Variants in POTEG observed in about 807,000 individuals in gnomAD.
POTEG encodes the protein POTE ankyrin domain family member G, also known as ANKRD26-like family C member 2.
In POTEG, 2 loss-of-function variants were observed where a neutral mutation model predicts 49.6. The ratio of observed to expected loss-of-function variants is 0.04; its 90% CI spans 0.02 to 0.13. The LOEUF is 0.13. Among genes scored for constraint, POTEG ranks in the 10% least tolerant of loss-of-function variants. POTEG has a pLI of 1.00. For missense variants in POTEG, 26 were observed against 545.2 expected (o/e 0.05, Z 9.48); for synonymous variants, 7 against 186.6 (o/e 0.04, Z 7.84).
At position 19,434,051 on chromosome 14, in the gene POTEG, A is replaced by C; in HGVS notation, c.239T>G (p.Val80Gly). ...GTCGTCGTGGTCTCCAGAAGTGCCC[A>C]CGTTGCTCTTGCTGCTCCCCCTGCA... is the stretch of plus-strand genomic sequence containing the variant. ...PWCRGSSKSN[V>G]GTSGDHDDSA... The change falls in exon 1 of 11, where the codon GTG becomes GGG. Residue 80 changes from valine (V) to glycine (G), a missense_variant. Transcript: ENST00000547848. The C allele has an allele frequency of 7.4e-7, 1 of 1,352,092 alleles. No homozygotes were observed. The highest frequency in any genetic ancestry group is 9.9e-7 in the Non-Finnish European group (1 of 1,005,052). 83.8% of individuals were successfully genotyped at this position (1,352,092 alleles called of 1,614,324 possible).
At chr14:19,432,432 G>GTATATATA (rs60251207) in intron 1 of POTEG, among the ~76,000 whole-genome samples, 8 of 63,928 alleles carry the variant, frequency 1.3e-4, no homozygotes, top group Non-Finnish European at 1.2e-4. Context: ...ATGTATATAC[G>GTATATATA]TATATATATA....
At chr14:19,432,741 G>C (rs1884212911) in intron 1 of POTEG, among the ~76,000 whole-genome samples, 1 of 82,584 alleles carries the variant, frequency 1.2e-5, no homozygotes, top group Non-Finnish European at 2.3e-5. Context: ...CTTTTCAGCT[G>C]TTAGTAAACA....
intron 7 of POTEG, among the ~76,000 whole-genome samples, 185 bp downstream of exon 7, chr14:19,416,103 C>CA (rs1883555603): frequency 6.8e-6 from 1 of 146,560 alleles, no homozygotes; most frequent in East Asian, 2.0e-4. Context: ...CTCAGCCTCT[C>CA]AAAGTGCTGA....
At chr14:19,419,027 G>T (rs1594275634) in intron 6 of POTEG, among the ~76,000 whole-genome samples, 1 of 111,264 alleles carries the variant, frequency 9.0e-6, no homozygotes, top group African/African-American at 4.0e-5. Flanking sequence ...CAAAAACAAA[G>T]GCCAACATAT....
In POTEG at chr14:19,428,620, G is replaced by GTGTA; in HGVS notation, c.728_731dup (p.Tyr245ThrfsTer7). The GTGTA allele has an allele frequency of 8.3e-7, 1 of 1,208,858 alleles. No homozygotes were observed. The highest frequency in any genetic ancestry group is 1.1e-6 in the Non-Finnish European group (1 of 896,868). The allele number at this position is 1,208,858 out of a possible 1,614,324, so 74.9% of individuals were successfully genotyped here. A position where few individuals can be genotyped will look rare whatever the true frequency, so the allele number is the denominator to read the frequency against. ...ATTTATCTTCATTGTAGATAGCATA[G>GTGTA]TGTAGAGCGGTATTTCCATACTCAT... On this transcript the variant is annotated frameshift_variant, in exon 3 of 11. Transcript: ENST00000547848. LOFTEE classifies it high-confidence loss of function.
At chr14:19,415,821 C>T (rs1480073748) in intron 7 of POTEG, among the ~76,000 whole-genome samples, 1 of 142,694 alleles carries the variant, frequency 7.0e-6, no homozygotes, top group Non-Finnish European at 1.5e-5. Context: ...TTTTAAGAAT[C>T]TATTAAAATT....
chr14:19,429,625 CTTA>C (rs1220741516), intron 1 of POTEG, among the ~76,000 whole-genome samples: 1 of 127,270 alleles, frequency 7.9e-6, no homozygotes, highest in African/African-American at 2.7e-5. Context: ...AAATAATTCT[CTTA>C]TTGAGACATA....
At chr14:19,422,030 G>GGCTCAAT (rs1883797048) in intron 5 of POTEG, among the ~76,000 whole-genome samples, 2 of 71,654 alleles carry the variant, frequency 2.8e-5, no homozygotes, top group African/African-American at 9.3e-5. Flanking sequence ...GCTTCTCTTA[G>GGCTCAAT]GCTCAATGTC....
chr14:19,421,456 GTAA>G (rs1883762025), intron 6 of POTEG, 165 bp downstream of exon 6: 2 of 850,870 alleles, frequency 2.4e-6, no homozygotes, highest in African/African-American at 1.7e-5. Flanking sequence ...ATATTACAAT[GTAA>G]TAATAATATA....
At chr14:19,432,460 A>ATATG (rs1884199237) in intron 1 of POTEG, among the ~76,000 whole-genome samples, 1 of 87,004 alleles carries the variant, frequency 1.1e-5, no homozygotes, top group Non-Finnish European at 2.2e-5. Context: ...ATATATATAC[A>ATATG]TATATACATA....
intron 4 of POTEG, 80 bp downstream of exon 4, chr14:19,425,526 T>C: frequency 1.8e-6 from 1 of 551,276 alleles, no homozygotes; most frequent in Non-Finnish European, 2.7e-6. Context: ...CCAATAAGTA[T>C]ACATTAATCT....
chr14:19,427,888 AT>A (rs1884018592), intron 3 of POTEG, among the ~76,000 whole-genome samples: 4 of 146,442 alleles, frequency 2.7e-5, no homozygotes, highest in Non-Finnish European at 6.0e-5. Context: ...GAAAACTGTC[AT>A]TCTCTAAAAT....
At chr14:19,415,160 ACTGTAATATGATAGT>A (rs1295572616) in intron 7 of POTEG, among the ~76,000 whole-genome samples, 6 of 144,632 alleles carry the variant, frequency 4.1e-5, no homozygotes, top group African/African-American at 1.5e-4. Flanking sequence ...GAAATTATAT[ACTGTAATATGATAGT>A]GTTATGTATC....
chr14:19,419,116 T>G (rs1360344502), intron 6 of POTEG, among the ~76,000 whole-genome samples: 10 of 56,470 alleles, frequency 1.8e-4, no homozygotes, highest in Non-Finnish European at 2.6e-4. Context: ...TTGATGCTAC[T>G]CCAAGGATGT....
intron 4 of POTEG, among the ~76,000 whole-genome samples, 181 bp downstream of exon 4, chr14:19,425,425 A>C (rs1461164076): frequency 1.7e-5 from 1 of 57,236 alleles, no homozygotes; most frequent in Non-Finnish European, 4.5e-5. Context: ...CAATATAATA[A>C]AAGATGAATC....
At chr14:19,432,818 CA>C (rs1161445895) in intron 1 of POTEG, among the ~76,000 whole-genome samples, 1 of 94,558 alleles carries the variant, frequency 1.1e-5, no homozygotes, top group Non-Finnish European at 2.1e-5. Flanking sequence ...CATTCTGCTA[CA>C]AAAAAATTAA....
rs1460015204 is a variant in POTEG, at chr14:19,432,431, C to T, written c.521+1338G>A. Among the ~76,000 whole-genome samples, 66 of 19,166 alleles carry T rather than the reference C, an allele frequency of 3.4e-3. 2 individuals are homozygous for T. The highest frequency in any genetic ancestry group is 5.9e-3 in the Admixed American group (11 of 1,876). 12.6% of individuals were successfully genotyped at this position (19,166 alleles called of 152,430 possible). On this transcript the variant is annotated intron_variant, in intron 1 of 10. Transcript: ENST00000547848. ...ACACACATGTATATATATGTATATA[C>T]GTATATATATATATACATATATATA...
chr14:19,419,900 TCCCATGG>T (rs1319922042), intron 6 of POTEG, among the ~76,000 whole-genome samples: 2 of 140,778 alleles, frequency 1.4e-5, no homozygotes, highest in Non-Finnish European at 3.0e-5. Context: ...CTGGTAAACT[TCCCATGG>T]CCCATGGGGT....
intron 1 of POTEG, among the ~76,000 whole-genome samples, chr14:19,432,403 T>TATATATATATATACACAC (rs1330765784): frequency 2.2e-5 from 1 of 44,730 alleles, no homozygotes; most frequent in Non-Finnish European, 4.4e-5. Flanking sequence ...TATATATATA[T>TATATATATATATACACAC]ACACACACAT....
Sources: allele counts gnomAD v4.1 joint callset (sites outside exome capture counted in the v4.1 genomes callset), GRCh38; gene constraint gnomAD v4.1.1; transcripts MANE v1.5; gene names NCBI Gene and HGNC (gene_info 2026-07-23, HGNC 2026-07-21).